The following AGXT variants were observed in gnomAD, a reference collection of about 807,000 sequenced individuals.
The protein encoded by AGXT is alanine--glyoxylate aminotransferase.
AGXT carries 41 observed loss-of-function variants against 46.9 expected under a neutral mutation model. That is an observed-to-expected ratio of 0.88 (90% CI 0.68 to 1.14). The LOEUF is 1.14. AGXT is among the 50% of genes most tolerant of loss of function. AGXT has a pLI of 0.00. For synonymous variants in AGXT, 244 were observed against 227.9 expected (o/e 1.07, Z -0.64); for missense variants, 525 against 522.7 (o/e 1.00, Z -0.04).
chr2:240,869,055 G>A (rs369645178), intron 1 of AGXT, 25 bp downstream of exon 1: 31 of 1,610,496 alleles, frequency 1.9e-5, no homozygotes, highest in East Asian at 1.6e-4. Flanking sequence ...CACTCGGGGG[G>A]CCTGGGTCTC....
chr2:240,873,284 C>T (rs1467353890), intron 5 of AGXT: 11 of 548,656 alleles, frequency 2.0e-5, no homozygotes, highest in Non-Finnish European at 3.3e-5. Context: ...GCAGGAGGGA[C>T]AGCTTCTGGT....
chr2:240,875,071 C>T (rs1217547994), intron 6 of AGXT, 38 bp from the exon 7 acceptor site: 2 of 1,541,906 alleles, frequency 1.3e-6, no homozygotes, highest in Non-Finnish European at 9.0e-7. Context: ...TCAGCCCAAA[C>T]TGAGAGGCTG....
At position 240,875,209 on chromosome 2, in the gene AGXT, G is replaced by T. The variant is rs765649247; in HGVS notation, c.776+5G>T. The T allele has an allele frequency of 1.2e-6, 2 of 1,608,116 alleles. No homozygotes were observed. Among genetic ancestry groups the T allele is most frequent in the South Asian group, 1.1e-5 (1 of 90,970 alleles). ...CTGTGACGACCAGCCCAGGATGTGA[G>T]GCCTGGCAGGGATGGGAAGGTGGAG... On this transcript the variant is annotated splice_donor_5th_base_variant and intron_variant, in intron 7 of 10. Transcript: ENST00000307503.
rs66494441 is a variant in AGXT, at chr2:240,869,046, A to T, written c.165+16A>T. On this transcript the variant is annotated intron_variant, in intron 1 of 10. Transcript: ENST00000307503. ...TATGTACCAGGTAGGAGTGGGGGTC[A>T]CTCGGGGGGCCTGGGTCTCACCCAT... 2.5e-5 allele frequency: 41 copies of T among 1,610,112 alleles called. No homozygotes were observed. In the East Asian group the frequency reaches 9.1e-4, roughly 36 times the overall value.
At position 240,868,856 on chromosome 2, in the gene AGXT, G is replaced by C; in HGVS notation, c.-10G>C. 7 of 1,606,750 alleles carry C rather than the reference G, an allele frequency of 4.4e-6. No homozygotes were observed. The highest frequency in any genetic ancestry group is 5.9e-6 in the Non-Finnish European group (7 of 1,177,458). Reference sequence around the variant, plus strand: ...CCCCAGGTTCCCGAGCGGCAGGTTGGGTGCGGACCATGGCCTCTCACAAGC... The same window carrying C: ...CCCCAGGTTCCCGAGCGGCAGGTTGCGTGCGGACCATGGCCTCTCACAAGC... On this transcript the variant is annotated 5_prime_UTR_variant, in exon 1 of 11. Coordinates refer to ENST00000307503, the MANE Select transcript of AGXT (RefSeq NM_000030.3).
At chr2:240,872,679 C>T (rs1366483076) in intron 4 of AGXT, among the ~76,000 whole-genome samples, 1 of 152,092 alleles carries the variant, frequency 6.6e-6, no homozygotes, top group Non-Finnish European at 1.5e-5. Context: ...GACTGCCCGG[C>T]TGACCCTCTT....
intron 5 of AGXT, 91 bp downstream of exon 5, chr2:240,873,140 C>T (rs919438070): frequency 1.4e-5 from 16 of 1,160,260 alleles, no homozygotes; most frequent in African/African-American, 4.6e-5. Context: ...GTCCAGCAGC[C>T]GATGCTGCGG....
At chr2:240,874,645 C>T (rs1028609630) in intron 6 of AGXT, among the ~76,000 whole-genome samples, 6 of 152,254 alleles carry the variant, frequency 3.9e-5, no homozygotes, top group East Asian at 3.9e-4. Context: ...CTGGACCACA[C>T]GGGAGGGTGA....
chr2:240,880,217 T>C lies in AGXT; in HGVS notation c.*1396T>C, dbSNP rs953207801. 1.3e-5 allele frequency: 2 copies of C among 152,226 alleles called. No individual in the cohort carries two copies. Among genetic ancestry groups the C allele is most frequent in the East Asian group, 1.9e-4 (1 of 5,204 alleles). The allele number at this position is 152,226 out of a possible 1,614,324, so 9.4% of individuals were successfully genotyped here. On this transcript the variant is annotated 3_prime_UTR_variant, in exon 11 of 11. Coordinates refer to ENST00000307503, the MANE Select transcript of AGXT (RefSeq NM_000030.3). Reference sequence around the variant, plus strand: ...GAGACTGCCACGAAATTCTCCGAAGTGGCTCTTCCATGTTTCATTCCCGCA... The same window carrying C: ...GAGACTGCCACGAAATTCTCCGAAGCGGCTCTTCCATGTTTCATTCCCGCA...
In AGXT at chr2:240,877,415, G is replaced by T. The variant is rs1469588572; in HGVS notation, c.847-122G>T. The T allele has an allele frequency of 6.4e-6, 6 of 942,738 alleles. No homozygotes were observed. In the South Asian group the frequency reaches 7.1e-5, roughly 11 times the overall value. 58.4% of individuals were successfully genotyped at this position (942,738 alleles called of 1,614,324 possible). A position where few individuals can be genotyped will look rare whatever the true frequency, so the allele number is the denominator to read the frequency against. ...TGCCCCAGGCAAAGTCAAACTGGGG[G>T]CTCCAGGGGCTCCCCTGCACCAAGG... On this transcript the variant is annotated intron_variant, in intron 8 of 10. Transcript: ENST00000307503.
rs1335566978 is a variant in AGXT, at chr2:240,868,984, C to G, written c.119C>G (p.Ala40Gly). The change falls in exon 1 of 11, where the codon GCC becomes GGC. Residue 40 changes from alanine (A) to glycine (G), a missense_variant. Coordinates refer to ENST00000307503, the MANE Select transcript of AGXT (RefSeq NM_000030.3). ...AACCTGCCTCCTCGCATCATGGCAG[C>G]CGGGGGGCTGCAGATGATCGGGTCC... is the stretch of plus-strand genomic sequence containing the variant. ...PSNLPPRIMA[A>G]GGLQMIGSMS... is the part of the protein sequence containing the mutation. 3.9e-6 allele frequency: 6 copies of G among 1,554,012 alleles called. No homozygotes were observed. The African/African-American group carries it at 6.9e-5, about 18-fold the overall frequency.
chr2:240,871,219 C>T (rs1405519487), intron 3 of AGXT, 130 bp from the exon 4 acceptor site: 6 of 777,920 alleles, frequency 7.7e-6, no homozygotes, highest in Admixed American at 2.0e-5. Context: ...CTCCCATGCA[C>T]ACCATCAGGG....
chr2:240,875,004 G>A (rs1317223175), intron 6 of AGXT, 105 bp from the exon 7 acceptor site: 17 of 1,086,134 alleles, frequency 1.6e-5, no homozygotes, highest in Non-Finnish European at 2.1e-5. Context: ...CCCTCCTGGG[G>A]GCCCCACCCC....
chr2:240,872,417 A>G (rs2058996886), intron 4 of AGXT, among the ~76,000 whole-genome samples: 1 of 149,926 alleles, frequency 6.7e-6, no homozygotes, highest in Non-Finnish European at 1.5e-5. Flanking sequence ...GTTCGTGAAC[A>G]TGCAGGAGGA....
At chr2:240,875,231 G>T (rs2059017847) in intron 7 of AGXT, 27 bp downstream of exon 7, 1 of 1,573,282 alleles carries the variant, frequency 6.4e-7, no homozygotes, top group Non-Finnish European at 8.7e-7. Context: ...ATGGGAAGGT[G>T]GAGGGCGCTG....
In AGXT at chr2:240,877,538, G is replaced by A. The variant is rs1274985880; in HGVS notation, c.848G>A (p.Gly283Asp). ...CCACCAGCGCCATCTCCCACACAGG[G>A]CCTGGAGAACAGCTGGCGCCAGCAC... is the stretch of plus-strand genomic sequence containing the variant. Reference protein sequence around the residue: ...RESLALIAEQGLENSWRQHRE... With the variant: ...RESLALIAEQDLENSWRQHRE... The change falls in exon 9 of 11, where the codon GGC becomes GAC. Residue 283 changes from glycine to aspartate, a missense_variant and splice_region_variant. Transcript: ENST00000307503. The A allele has an allele frequency of 3.2e-6, 5 of 1,548,434 alleles. No individual in the cohort carries two copies. Among genetic ancestry groups the A allele is most frequent in the Non-Finnish European group, 4.4e-6 (5 of 1,145,424 alleles).
chr2:240,874,020 C>T lies in AGXT; in HGVS notation c.638C>T (p.Ala213Val), dbSNP rs569680503. 2.5e-6 allele frequency: 4 copies of T among 1,613,754 alleles called. No individual in the cohort carries two copies. The East Asian group carries it at 8.9e-5, about 36-fold the overall frequency. The change falls in exon 6 of 11, where the codon GCC becomes GTC. Residue 213 changes from alanine to valine, a missense_variant. Ala to Val is a moderately conservative substitution (Grantham distance 64). Coordinates refer to ENST00000307503, the MANE Select transcript of AGXT (RefSeq NM_000030.3). Reference protein sequence around the residue: ...LYSGSQKALNAPPGTSLISFS... With the variant: ...LYSGSQKALNVPPGTSLISFS... ...TCGGGCTCCCAGAAGGCCCTGAACG[C>T]CCCTCCAGGGACCTCGCTCATCTCC...
rs1232931941 is a variant in AGXT at position 240,879,299 on chromosome 2, C to T, written c.*478C>T. ...TCACACCCCCAAACGTCCTCACGCA[C>T]CACATCCAGGTGAACCCACACGGCG... On this transcript the variant is annotated 3_prime_UTR_variant, in exon 11 of 11. Coordinates refer to ENST00000307503, the MANE Select transcript of AGXT (RefSeq NM_000030.3). 4 of 214,808 alleles carry T rather than the reference C, an allele frequency of 1.9e-5. No individual in the cohort carries two copies. Among genetic ancestry groups the T allele is most frequent in the South Asian group, 7.5e-5 (1 of 13,368 alleles). 13.3% of individuals were successfully genotyped at this position (214,808 alleles called of 1,614,324 possible).
rs1048775360 is a variant in AGXT at position 240,880,189 on chromosome 2, T to A, written c.*1368T>A. On this transcript the variant is annotated 3_prime_UTR_variant, in exon 11 of 11. Coordinates refer to ENST00000307503, the MANE Select transcript of AGXT (RefSeq NM_000030.3). ...GGGTCATACAATAGGCTTAACCTTA[T>A]ACGAGACTGCCACGAAATTCTCCGA... The A allele has an allele frequency of 6.6e-6, 1 of 152,222 alleles. No individual in the cohort carries two copies. The highest frequency in any genetic ancestry group is 1.5e-5 in the Non-Finnish European group (1 of 68,048). The allele number at this position is 152,222 out of a possible 1,614,324, so 9.4% of individuals were successfully genotyped here.
Sources: gnomAD v4.1 joint callset for allele counts (sites outside exome capture counted in the v4.1 genomes callset) on GRCh38, gnomAD v4.1.1 for gene constraint, MANE v1.5 for transcripts, NCBI Gene and HGNC (gene_info 2026-07-23, HGNC 2026-07-21) for gene names.